RASSF8: variants seen among roughly 807,000 people sequenced by gnomAD.
RASSF8 encodes the protein Ras association domain family member 8, also known as ras association domain-containing protein 8.
In RASSF8, 22 loss-of-function variants were observed where a neutral mutation model predicts 48.5. That is an observed-to-expected ratio of 0.45 (90% CI 0.32 to 0.65). The LOEUF is 0.65. Among genes scored for constraint, RASSF8 ranks in the 30% least tolerant of loss-of-function variants. The pLI is 0.03. For synonymous variants in RASSF8, 127 were observed against 171.5 expected (o/e 0.74, Z 2.03); for missense variants, 418 against 489.2 (o/e 0.85, Z 1.37).
At chr12:26,018,336 CT>C (rs770502905) in intron 2 of RASSF8, among the ~76,000 whole-genome samples, 5 of 151,842 alleles carry the variant, frequency 3.3e-5, no homozygotes, top group African/African-American at 4.8e-5. Context: ...GCTCTAGAAC[CT>C]TTTTTTAATA....
exon 6 of RASSF8, chr12:26,079,609 T>C (rs1591828883): frequency 6.6e-6 from 1 of 150,426 alleles, no homozygotes. Context: ...AAAAAATAGA[T>C]ATTTTTCCAA....
At chr12:26,058,409 A>G (rs553917715) in intron 3 of RASSF8, among the ~76,000 whole-genome samples, 2 of 152,362 alleles carry the variant, frequency 1.3e-5, no homozygotes, top group East Asian at 1.9e-4. Context: ...TTAGTAGAGC[A>G]TGGACTGATG....
chr12:25,991,595 C>T (rs1008353377), intron 1 of RASSF8, among the ~76,000 whole-genome samples: 1 of 152,166 alleles, frequency 6.6e-6, no homozygotes, highest in Non-Finnish European at 1.5e-5. Flanking sequence ...AGGTGGTTCA[C>T]TCACATGCCT....
rs1775090899 is a variant in RASSF8 at position 25,968,188 on chromosome 12, AG to A, written c.-203+9042del. ...ATTTCTTAGAAACGTTTCATGCCAC[AG>A]GCATCCATATCTTAATTGCCTAAAC... On this transcript the variant is annotated intron_variant, in intron 1 of 5. Coordinates refer to ENST00000689635, the MANE Select transcript of RASSF8 (RefSeq NM_001394098.1). Among the ~76,000 whole-genome samples the A allele has an allele frequency of 2.0e-5, 3 of 152,318 alleles. No individual in the cohort carries two copies. The South Asian group carries it at 6.2e-4, about 32-fold the overall frequency.
chr12:26,027,918 C>T (rs966474553), intron 2 of RASSF8, among the ~76,000 whole-genome samples: 2 of 152,104 alleles, frequency 1.3e-5, no homozygotes, highest in Admixed American at 6.6e-5. Context: ...CCATGGAAAA[C>T]GGGATGTAGA....
At chr12:26,079,703 T>A (rs1944101486) in exon 6 of RASSF8, 1 of 152,016 alleles carries the variant, frequency 6.6e-6, no homozygotes, top group Non-Finnish European at 1.5e-5. Flanking sequence ...AAAGCCACAA[T>A]GAGATACCAC....
chr12:25,984,681 G>A (rs1941830702), intron 1 of RASSF8, among the ~76,000 whole-genome samples: 1 of 152,158 alleles, frequency 6.6e-6, no homozygotes, highest in African/African-American at 2.4e-5. Context: ...ACAAAATTAA[G>A]GAGAATTGTT....
rs1943826266 is a variant in RASSF8, at chr12:26,064,695, T to G, written c.301T>G (p.Leu101Val). The change falls in exon 4 of 6, where the codon TTA becomes GTA. Residue 101 changes from leucine (L) to valine (V), a missense_variant. Leu to Val is a conservative substitution (Grantham distance 32, BLOSUM62 1). Coordinates refer to ENST00000689635, the MANE Select transcript of RASSF8 (RefSeq NM_001394098.1). Reference protein sequence around the residue: ...DSVARIPERTLYRQSLPPLAK... With the variant: ...DSVARIPERTVYRQSLPPLAK... ...TGTGGCTCGAATTCCTGAAAGAACT[T>G]TATACAGGCAGAGTCTGCCCCCCTT... 6.2e-7 allele frequency: 1 copy of G among 1,613,960 alleles called. No individual in the cohort carries two copies. Among genetic ancestry groups the G allele is most frequent in the Non-Finnish European group, 8.5e-7 (1 of 1,180,006 alleles).
In RASSF8 at chr12:26,069,273, T is replaced by C. The variant is rs1168460527; in HGVS notation, c.*455T>C. 1 of 985,716 alleles carries C rather than the reference T, an allele frequency of 1.0e-6. No homozygotes were observed. Among genetic ancestry groups the C allele is most frequent in the Non-Finnish European group, 1.2e-6 (1 of 829,278 alleles). The allele number at this position is 985,716 out of a possible 1,614,324, so 61.1% of individuals were successfully genotyped here. ...TACATATTGTGTGATTATGACCGTG[T>C]GCATGTTGCCAGACTCCATCCATGC... On this transcript the variant is annotated 3_prime_UTR_variant, in exon 6 of 6. Coordinates refer to ENST00000689635, the MANE Select transcript of RASSF8 (RefSeq NM_001394098.1).
intron 2 of RASSF8, among the ~76,000 whole-genome samples, chr12:26,049,404 T>C (rs1479759088): frequency 6.6e-6 from 1 of 152,240 alleles, no homozygotes; most frequent in Non-Finnish European, 1.5e-5. Flanking sequence ...GAATTACAAT[T>C]ACTACATAAA....
chr12:26,021,239 A>G (rs2137063527), intron 2 of RASSF8, among the ~76,000 whole-genome samples: 1 of 152,350 alleles, frequency 6.6e-6, no homozygotes, highest in South Asian at 2.1e-4. Flanking sequence ...CAACAAATGA[A>G]GAAACATATA....
intron 2 of RASSF8, among the ~76,000 whole-genome samples, chr12:26,013,741 T>C (rs1236002617): frequency 3.9e-5 from 6 of 152,214 alleles, no homozygotes; most frequent in Non-Finnish European, 8.8e-5. Flanking sequence ...TTTAAAGATG[T>C]TTTTCTAATA....
chr12:25,973,411 T>G (rs706532), intron 1 of RASSF8, among the ~76,000 whole-genome samples: 12,757 of 152,162 alleles, frequency 0.084, 870 homozygotes, highest in East Asian at 0.27. Flanking sequence ...CATGGGACCA[T>G]GGACACATCA....
chr12:26,059,852 A>C (rs930728105), intron 3 of RASSF8, among the ~76,000 whole-genome samples: 1 of 152,140 alleles, frequency 6.6e-6, no homozygotes, highest in African/African-American at 2.4e-5. Context: ...ATTTTGGTTT[A>C]TATTTTTTTA....
chr12:25,976,819 C>T (rs1941617615), intron 1 of RASSF8, among the ~76,000 whole-genome samples: 1 of 152,188 alleles, frequency 6.6e-6, no homozygotes, highest in African/African-American at 2.4e-5. Context: ...TTTCTCCAGC[C>T]TCTCTTCCCC....
At chr12:26,009,975 T>G (rs1434140935) in intron 2 of RASSF8, among the ~76,000 whole-genome samples, 2 of 152,204 alleles carry the variant, frequency 1.3e-5, no homozygotes, top group Non-Finnish European at 1.5e-5. Context: ...AGCCATTTAT[T>G]CTTTGATTGA....
chr12:26,064,646 CAGTG>C lies in RASSF8; in HGVS notation c.255_258del (p.Glu86AspfsTer23), dbSNP rs1473153206. The C allele has an allele frequency of 4.3e-6, 7 of 1,614,160 alleles. No homozygotes were observed. Among genetic ancestry groups the C allele is most frequent in the Non-Finnish European group, 5.9e-6 (7 of 1,180,028 alleles). The stretch of plus-strand genomic sequence containing the variant: ...TTCTACGACGAACTGGGCCGTCTCT[CAGTG>C]AGCGACCCACTTCAGACAGTGTGGC... On this transcript the variant is annotated frameshift_variant, in exon 4 of 6. Transcript: ENST00000689635. LOFTEE classifies it high-confidence loss of function.
At chr12:26,028,462 G>A (rs2729632) in intron 2 of RASSF8, among the ~76,000 whole-genome samples, 43 of 152,296 alleles carry the variant, frequency 2.8e-4, no homozygotes, top group African/African-American at 9.1e-4. Context: ...ATTTCCTTTG[G>A]TGCTACATGG....
intron 2 of RASSF8, among the ~76,000 whole-genome samples, chr12:26,019,563 C>CTGTGTGTGTGTG (rs56895234): frequency 1.3e-4 from 19 of 148,308 alleles, no homozygotes; most frequent in African/African-American, 4.7e-4. Context: ...CGGGCATACA[C>CTGTGTGTGTGTG]TGTGTGTGTG....
Sources: allele counts gnomAD v4.1 joint callset (sites outside exome capture counted in the v4.1 genomes callset), GRCh38; gene constraint gnomAD v4.1.1; transcripts MANE v1.5; gene names NCBI Gene and HGNC (gene_info 2026-07-23, HGNC 2026-07-21).